The following FGF12 variants were observed in gnomAD, a reference collection of about 807,000 sequenced individuals.
FGF12 encodes the protein fibroblast growth factor 12B.
Under a neutral mutation model 23.6 loss-of-function variants are expected in FGF12, and 14 were observed. The ratio of observed to expected loss-of-function variants is 0.59; its 90% CI spans 0.39 to 0.93. The LOEUF (loss-of-function observed/expected upper bound fraction) is 0.93, where lower values mean the gene tolerates loss of function less well. FGF12 is among the 40% of genes least tolerant of loss of function. FGF12 has a pLI of 0.00. For synonymous variants in FGF12, 62 were observed against 77.3 expected (o/e 0.80, Z 1.04); for missense variants, 175 against 217.8 (o/e 0.80, Z 1.24).
intron 4 of FGF12, among the ~76,000 whole-genome samples, chr3:192,222,330 C>A (rs1049463563): frequency 6.6e-6 from 1 of 152,158 alleles, no homozygotes; most frequent in African/African-American, 2.4e-5. Context: ...GGTTCTTCGG[C>A]TGTAACATGT....
At chr3:192,242,658 AAT>A (rs1719683896) in intron 4 of FGF12, among the ~76,000 whole-genome samples, 1 of 152,152 alleles carries the variant, frequency 6.6e-6, no homozygotes, top group South Asian at 2.1e-4. Context: ...AAAAATAGAA[AAT>A]GTAATATATG....
chr3:192,354,387 C>G lies in FGF12; in HGVS notation c.124+6041G>C, dbSNP rs868851387. On this transcript the variant is annotated intron_variant, in intron 3 of 5. Transcript: ENST00000445105. ...TTAAATAATTTTGGATAAATAAAGG[C>G]TTTTTAAATTGGAAAGAAAAGCTGA... is the stretch of plus-strand genomic sequence containing the variant. Among the ~76,000 whole-genome samples, 28 of 151,348 alleles carry G rather than the reference C, an allele frequency of 1.9e-4. No individual in the cohort carries two copies. In the South Asian group the frequency reaches 1.9e-3, roughly 10 times the overall value.
chr3:192,451,756 T>A (rs1279501681), intron 2 of FGF12, among the ~76,000 whole-genome samples: 1 of 152,218 alleles, frequency 6.6e-6, no homozygotes, highest in East Asian at 1.9e-4. Flanking sequence ...TAGCTGTAGT[T>A]AATTTATTTC....
intron 4 of FGF12, among the ~76,000 whole-genome samples, chr3:192,198,598 G>C (rs1341157732): frequency 3.3e-5 from 5 of 152,146 alleles, no homozygotes; most frequent in Admixed American, 3.3e-4. Flanking sequence ...GTCTAAAATA[G>C]ACTGCTGAGG....
chr3:192,701,579 T>A (rs887281384), intron 2 of FGF12, among the ~76,000 whole-genome samples: 3 of 152,170 alleles, frequency 2.0e-5, no homozygotes, highest in African/African-American at 7.2e-5. Context: ...ACCTCCCATA[T>A]CAAATGAAGT....
intron 2 of FGF12, among the ~76,000 whole-genome samples, chr3:192,520,431 TG>T (rs1171446087): frequency 6.6e-6 from 1 of 152,238 alleles, no homozygotes; most frequent in Non-Finnish European, 1.5e-5. Flanking sequence ...GATACTCCTG[TG>T]AGAAACACTT....
intron 4 of FGF12, among the ~76,000 whole-genome samples, chr3:192,290,740 C>T (rs1714712067): frequency 6.6e-6 from 1 of 152,128 alleles, no homozygotes; most frequent in Admixed American, 6.6e-5. Flanking sequence ...ACAGAAAAGA[C>T]AGGTTCTTAA....
chr3:192,243,069 T>C (rs955003288), intron 4 of FGF12, among the ~76,000 whole-genome samples: 5 of 152,068 alleles, frequency 3.3e-5, no homozygotes, highest in Non-Finnish European at 7.4e-5. Context: ...TTTCAGGATC[T>C]ATATTTAGAG....
intron 2 of FGF12, among the ~76,000 whole-genome samples, chr3:192,657,519 G>T (rs1403646423): frequency 6.6e-6 from 1 of 151,922 alleles, no homozygotes; most frequent in Non-Finnish European, 1.5e-5. Context: ...GAAGGAAGAA[G>T]AGCTGAGACT....
intron 2 of FGF12, among the ~76,000 whole-genome samples, chr3:192,609,664 C>T (rs940607590): frequency 8.6e-5 from 13 of 151,882 alleles, no homozygotes; most frequent in African/African-American, 2.7e-4. Flanking sequence ...GCCAAGAACC[C>T]GTAAAATAGT....
In FGF12 at chr3:192,533,510, T is replaced by C. The variant is rs1047593991; in HGVS notation, c.14-172972A>G. 2.0e-5 allele frequency among the ~76,000 whole-genome samples: 3 copies of C among 152,332 alleles called. No individual in the cohort carries two copies. The East Asian group carries it at 5.8e-4, about 29-fold the overall frequency. On this transcript the variant is annotated intron_variant, in intron 2 of 5. Transcript: ENST00000445105. ...AATAAAGACTATAAATAGCCTCCTG[T>C]CAATTCAGGTCAGTCTGTAGCTTAA...
At chr3:192,165,835 C>G (rs1347056459) in intron 5 of FGF12, among the ~76,000 whole-genome samples, 1 of 152,188 alleles carries the variant, frequency 6.6e-6, no homozygotes, top group Non-Finnish European at 1.5e-5. Context: ...TACGTGACAT[C>G]AGGGTTCCTG....
chr3:192,671,029 G>A (rs13068206), intron 2 of FGF12, among the ~76,000 whole-genome samples: 78,052 of 151,990 alleles, frequency 0.51, 20,427 homozygotes, highest in East Asian at 0.66. Flanking sequence ...TATCTTATTT[G>A]TCAGATTTCA....
chr3:192,709,771 C>T (rs1718603385), intron 2 of FGF12, among the ~76,000 whole-genome samples: 1 of 152,104 alleles, frequency 6.6e-6, no homozygotes, highest in Admixed American at 6.5e-5. Flanking sequence ...GTTTTGAAGA[C>T]CGACTTAATC....
intron 2 of FGF12, among the ~76,000 whole-genome samples, chr3:192,498,984 A>C (rs1407091808): frequency 6.6e-6 from 1 of 152,184 alleles, no homozygotes; most frequent in Non-Finnish European, 1.5e-5. Flanking sequence ...TACGCCAAAG[A>C]AGCTGTAAGA....
At chr3:192,675,319 CT>C (rs1310921404) in intron 2 of FGF12, among the ~76,000 whole-genome samples, 8 of 150,290 alleles carry the variant, frequency 5.3e-5, no homozygotes, top group African/African-American at 7.3e-5. Flanking sequence ...AAAAGTCCTA[CT>C]TTTTTTTTCA....
intron 4 of FGF12, among the ~76,000 whole-genome samples, chr3:192,248,108 C>T (rs1022513323): frequency 6.6e-6 from 1 of 152,128 alleles, no homozygotes; most frequent in African/African-American, 2.4e-5. Context: ...AAACTATGAA[C>T]ATCTACTTCC....
At chr3:192,192,968 T>C (rs1716871525) in intron 4 of FGF12, among the ~76,000 whole-genome samples, 1 of 152,208 alleles carries the variant, frequency 6.6e-6, no homozygotes, top group African/African-American at 2.4e-5. Flanking sequence ...AAGAATACTT[T>C]TAGCACCTAT....
chr3:192,536,947 C>T (rs1577042080), intron 2 of FGF12, among the ~76,000 whole-genome samples: 2 of 151,908 alleles, frequency 1.3e-5, no homozygotes, highest in Non-Finnish European at 2.9e-5. Context: ...CCTCATTCCC[C>T]GCCACTACAC....
Sources: allele counts gnomAD v4.1 joint callset (sites outside exome capture counted in the v4.1 genomes callset), GRCh38; gene constraint gnomAD v4.1.1; transcripts MANE v1.5; gene names NCBI Gene and HGNC (gene_info 2026-07-23, HGNC 2026-07-21).